IFTAP: variants seen among roughly 807,000 people sequenced by gnomAD.
The protein encoded by IFTAP is intraflagellar transport-associated protein.
A neutral mutation model predicts 19.4 loss-of-function variants in IFTAP; 19 were observed. The observed-to-expected ratio is 0.98, with a 90% confidence interval of 0.68 to 1.44. IFTAP has a LOEUF of 1.44. IFTAP is among the 40% of genes most tolerant of loss of function. The pLI is 0.00. For missense variants in IFTAP, 240 were observed against 253.6 expected (o/e 0.95, Z 0.36); for synonymous variants, 85 against 83.5 (o/e 1.02, Z -0.10).
Position 36,648,062 on chromosome 11 carries a change from C to T in IFTAP, c.405C>T (p.Ser135=), listed in dbSNP as rs761266907. The T allele has an allele frequency of 4.3e-6, 7 of 1,613,396 alleles. No individual in the cohort carries two copies. In the Admixed American group the frequency reaches 8.3e-5, roughly 19 times the overall value. Reference sequence around the variant, plus strand: ...AAGTGGAGCAGGATGTAAGCACCAGCATTCCTTCCTGTATCCCTTTTGTGG... The same window carrying T: ...AAGTGGAGCAGGATGTAAGCACCAGTATTCCTTCCTGTATCCCTTTTGTGG... ...PGEVEQDVST[S]IPSCIPFVAQ... The change falls in exon 5 of 6, where the codon AGC becomes AGT. Residue 135 remains serine, a synonymous_variant. Coordinates refer to ENST00000334307, the MANE Select transcript of IFTAP (RefSeq NM_138787.4).
chr11:36,613,369 G>A (rs570296855), intron 2 of IFTAP, among the ~76,000 whole-genome samples: 1 of 151,992 alleles, frequency 6.6e-6, no homozygotes, highest in Non-Finnish European at 1.5e-5. Context: ...AAACACTGAT[G>A]TGAATACTTA....
chr11:36,622,885 T>C (rs1468690154), intron 2 of IFTAP, among the ~76,000 whole-genome samples: 2 of 152,168 alleles, frequency 1.3e-5, no homozygotes, highest in Non-Finnish European at 2.9e-5. Flanking sequence ...ATAGTACATA[T>C]TGTATTGTGT....
intron 5 of IFTAP, among the ~76,000 whole-genome samples, chr11:36,650,439 GTAC>G (rs1853667989): frequency 6.7e-6 from 1 of 150,094 alleles, no homozygotes; most frequent in African/African-American, 2.5e-5. Context: ...TGATATTTTG[GTAC>G]TATATATGTG....
intron 2 of IFTAP, among the ~76,000 whole-genome samples, chr11:36,611,691 T>C (rs1455012385): frequency 6.6e-6 from 1 of 152,108 alleles, no homozygotes; most frequent in Non-Finnish European, 1.5e-5. Flanking sequence ...AACATAGATG[T>C]GGTGATTTTT....
chr11:36,623,932 G>A (rs1852403915), intron 2 of IFTAP, among the ~76,000 whole-genome samples: 1 of 152,170 alleles, frequency 6.6e-6, no homozygotes, highest in Admixed American at 6.5e-5. Flanking sequence ...TAAATATTAA[G>A]AGAATCTTGA....
chr11:36,623,944 C>A (rs1449983677), intron 2 of IFTAP, among the ~76,000 whole-genome samples: 1 of 151,684 alleles, frequency 6.6e-6, no homozygotes, highest in African/African-American at 2.4e-5. Flanking sequence ...GAATCTTGAC[C>A]TACAATAGAA....
intron 1 of IFTAP, among the ~76,000 whole-genome samples, chr11:36,598,959 G>A (rs1293161846): frequency 6.6e-6 from 1 of 152,132 alleles, no homozygotes; most frequent in Non-Finnish European, 1.5e-5. Flanking sequence ...ATATTCCATA[G>A]TGATCTTGAT....
chr11:36,654,605 T>C (rs1036034147), intron 5 of IFTAP, among the ~76,000 whole-genome samples: 1 of 152,168 alleles, frequency 6.6e-6, no homozygotes, highest in Admixed American at 6.6e-5. Flanking sequence ...CTTGAATCCG[T>C]CTTCATCTCC....
At chr11:36,616,931 G>A (rs1180653419) in intron 2 of IFTAP, among the ~76,000 whole-genome samples, 3 of 151,754 alleles carry the variant, frequency 2.0e-5, no homozygotes, top group East Asian at 1.9e-4. Flanking sequence ...GGGACAACTT[G>A]GGTAGGTGAA....
chr11:36,652,362 T>C (rs1244723266), intron 5 of IFTAP, among the ~76,000 whole-genome samples: 1 of 152,214 alleles, frequency 6.6e-6, no homozygotes, highest in East Asian at 1.9e-4. Context: ...TTGTCTGTTA[T>C]TGGTGTATAA....
chr11:36,615,825 A>G (rs574923395), intron 2 of IFTAP, among the ~76,000 whole-genome samples: 4 of 151,602 alleles, frequency 2.6e-5, no homozygotes, highest in East Asian at 3.9e-4. Context: ...GGCTGAGACA[A>G]TGGGGTTTTC....
At chr11:36,623,714 CAA>C (rs1486068197) in intron 2 of IFTAP, among the ~76,000 whole-genome samples, 1 of 152,182 alleles carries the variant, frequency 6.6e-6, no homozygotes, top group Non-Finnish European at 1.5e-5. Flanking sequence ...AGTACACAGA[CAA>C]GAGACTAGGG....
intron 1 of IFTAP, among the ~76,000 whole-genome samples, chr11:36,606,310 A>G (rs1202927338): frequency 6.6e-6 from 1 of 152,154 alleles, no homozygotes; most frequent in Non-Finnish European, 1.5e-5. Flanking sequence ...AATACAAAAA[A>G]AAATTAGCCA....
chr11:36,614,199 G>A (rs1851983318), intron 2 of IFTAP, among the ~76,000 whole-genome samples: 1 of 143,736 alleles, frequency 7.0e-6, no homozygotes, highest in Non-Finnish European at 1.5e-5. Context: ...ATAGTTTACT[G>A]AGAATGATGA....
At chr11:36,621,514 C>A (rs541751093) in intron 2 of IFTAP, among the ~76,000 whole-genome samples, 75 of 152,034 alleles carry the variant, frequency 4.9e-4, no homozygotes, top group Middle Eastern at 3.4e-3. Context: ...ATCATTATAT[C>A]ATTTTCATGT....
intron 4 of IFTAP, among the ~76,000 whole-genome samples, chr11:36,638,082 G>C (rs1459906774): frequency 6.6e-6 from 1 of 151,838 alleles, no homozygotes; most frequent in Non-Finnish European, 1.5e-5. Flanking sequence ...GGGTTTCACT[G>C]TGTTGCCCAG....
chr11:36,605,279 TG>T (rs1851652539), intron 1 of IFTAP, among the ~76,000 whole-genome samples: 1 of 49,924 alleles, frequency 2.0e-5, no homozygotes, highest in South Asian at 6.9e-4. Context: ...ACCTCCCCCC[TG>T]CCCCCCCACT....
At chr11:36,615,682 A>T (rs956505389) in intron 2 of IFTAP, among the ~76,000 whole-genome samples, 4 of 136,384 alleles carry the variant, frequency 2.9e-5, no homozygotes, top group Non-Finnish European at 6.2e-5. Context: ...CTTTGAAGCA[A>T]TTGTGAATGG....
At chr11:36,609,662 C>CA (rs906018653) in intron 1 of IFTAP, among the ~76,000 whole-genome samples, 1 of 151,966 alleles carries the variant, frequency 6.6e-6, no homozygotes, top group Non-Finnish European at 1.5e-5. Flanking sequence ...AGATAACTAA[C>CA]AAAAAAATTG....
Sources: gnomAD v4.1 joint callset for allele counts (sites outside exome capture counted in the v4.1 genomes callset) on GRCh38, gnomAD v4.1.1 for gene constraint, MANE v1.5 for transcripts, NCBI Gene and HGNC (gene_info 2026-07-23, HGNC 2026-07-21) for gene names.